The following ARHGAP39 variants were observed in gnomAD, a reference collection of about 807,000 sequenced individuals.
The protein encoded by ARHGAP39 is Rho GTPase activating protein 39.
In ARHGAP39, 44 loss-of-function variants were observed where a neutral mutation model predicts 106.9. That is an observed-to-expected ratio of 0.41 (90% CI 0.32 to 0.53). ARHGAP39 has a LOEUF of 0.53. ARHGAP39 is among the 20% of genes least tolerant of loss of function. ARHGAP39 has a pLI of 0.21. For synonymous variants in ARHGAP39, 768 were observed against 693.2 expected (o/e 1.11, Z -1.69); for missense variants, 1,496 against 1,577.3 (o/e 0.95, Z 0.87).
At chr8:144,562,771 G>T (rs995387739) in intron 3 of ARHGAP39, among the ~76,000 whole-genome samples, 7 of 149,202 alleles carry the variant, frequency 4.7e-5, no homozygotes, top group African/African-American at 1.8e-4. Flanking sequence ...GACTCCAGTG[G>T]TTTCCATCGG....
upstream of ARHGAP39, among the ~76,000 whole-genome samples, chr8:144,687,896 C>T (rs1822661491): frequency 2.0e-5 from 3 of 149,300 alleles, no homozygotes; most frequent in South Asian, 6.5e-4. Context: ...GTGAACACTT[C>T]CCACCCCGTG....
chr8:144,617,273 G>A (rs1336317793), intron 1 of ARHGAP39, among the ~76,000 whole-genome samples: 1 of 151,876 alleles, frequency 6.6e-6, no homozygotes, highest in Admixed American at 6.5e-5. Flanking sequence ...TCTGAATAAA[G>A]GTGATGGTAC....
intron 1 of ARHGAP39, among the ~76,000 whole-genome samples, chr8:144,609,668 T>C (rs868130864): frequency 1.3e-5 from 2 of 152,262 alleles, no homozygotes; most frequent in Middle Eastern, 3.4e-3. Context: ...CCCAAAGTTG[T>C]TGGGATTACA....
chr8:144,651,648 A>T (rs1381317189), intron 1 of ARHGAP39, among the ~76,000 whole-genome samples: 1 of 152,200 alleles, frequency 6.6e-6, no homozygotes, highest in Non-Finnish European at 1.5e-5. Context: ...AGGAGGTTGC[A>T]GTGATCTGAG....
intron 3 of ARHGAP39, among the ~76,000 whole-genome samples, chr8:144,559,762 G>C (rs1009879559): frequency 1.3e-5 from 2 of 152,140 alleles, no homozygotes; most frequent in African/African-American, 4.8e-5. Flanking sequence ...GAGGTATCTT[G>C]GGAGTAGGAC....
upstream of ARHGAP39, among the ~76,000 whole-genome samples, chr8:144,689,710 G>A (rs1822705104): frequency 6.6e-6 from 1 of 150,520 alleles, no homozygotes; most frequent in African/African-American, 2.4e-5. Flanking sequence ...AAAGTGCTGG[G>A]ATTACAGTTG....
chr8:144,681,483 G>A (rs1175700445), intron 1 of ARHGAP39, among the ~76,000 whole-genome samples: 1 of 152,196 alleles, frequency 6.6e-6, no homozygotes, highest in Non-Finnish European at 1.5e-5. Context: ...TTGAGTCAAC[G>A]AAGAGGCACA....
chr8:144,532,268 C>G, intron 10 of ARHGAP39, 37 bp downstream of exon 10: 2 of 1,602,652 alleles, frequency 1.2e-6, no homozygotes, highest in Non-Finnish European at 1.7e-6. Context: ...CTGCCTGAGC[C>G]AGGCCCGCTC....
intron 1 of ARHGAP39, among the ~76,000 whole-genome samples, chr8:144,623,263 C>A (rs1251997220): frequency 6.6e-6 from 1 of 151,940 alleles, no homozygotes; most frequent in Non-Finnish European, 1.5e-5. Flanking sequence ...CAAAAGAAGT[C>A]AAGAAACGAA....
At chr8:144,597,455 G>A (rs1345207913) in intron 2 of ARHGAP39, among the ~76,000 whole-genome samples, 1 of 152,242 alleles carries the variant, frequency 6.6e-6, no homozygotes, top group African/African-American at 2.4e-5. Flanking sequence ...GACACAGACA[G>A]CGAGCTGCCA....
intron 2 of ARHGAP39, 102 bp from the exon 3 acceptor site, chr8:144,581,379 A>G: frequency 1.6e-6 from 2 of 1,276,780 alleles, no homozygotes; most frequent in Non-Finnish European, 2.1e-6. Flanking sequence ...GAAACCCAGA[A>G]ATCCTGTCAT....
chr8:144,537,954 G>A (rs1041122537), intron 6 of ARHGAP39, 141 bp from the exon 7 acceptor site: 1 of 702,960 alleles, frequency 1.4e-6, no homozygotes, highest in Non-Finnish European at 2.4e-6. Context: ...GAGCGTTTCT[G>A]GGGGGACGTG....
Position 144,530,406 on chromosome 8 carries a change from T to TCCC in ARHGAP39, c.*13_*15dup. 1 of 1,580,672 alleles carries TCCC rather than the reference T, an allele frequency of 6.3e-7. No individual in the cohort carries two copies. Among genetic ancestry groups the TCCC allele is most frequent in the Non-Finnish European group, 8.6e-7 (1 of 1,160,764 alleles). ...TGGGGGCGGCAGGACATCCCTCCTG[T>TCCC]CCCCGGGCGCCCCCGCTACAGCACA... On this transcript the variant is annotated 3_prime_UTR_variant, in exon 12 of 12. Coordinates refer to ENST00000377307, the MANE Select transcript of ARHGAP39 (RefSeq NM_025251.3).
At chr8:144,612,758 C>T (rs1040992918) in intron 1 of ARHGAP39, among the ~76,000 whole-genome samples, 6 of 151,760 alleles carry the variant, frequency 4.0e-5, no homozygotes, top group African/African-American at 1.5e-4. Flanking sequence ...TGAGCCACGG[C>T]TGCGCCGCTG....
At chr8:144,662,909 C>A in intron 1 of ARHGAP39, among the ~76,000 whole-genome samples, 1 of 149,252 alleles carries the variant, frequency 6.7e-6, no homozygotes, top group Non-Finnish European at 1.5e-5. Flanking sequence ...GGCCTATCCC[C>A]CACCCCCATT....
chr8:144,689,238 T>A (rs563782022), upstream of ARHGAP39, among the ~76,000 whole-genome samples: 215 of 152,134 alleles, frequency 1.4e-3, 2 homozygotes, highest in South Asian at 0.013. Flanking sequence ...GACTTTTTTT[T>A]TTTTACAAAT....
chr8:144,657,983 T>C (rs1349300377), intron 1 of ARHGAP39, among the ~76,000 whole-genome samples: 1 of 152,216 alleles, frequency 6.6e-6, no homozygotes, highest in Non-Finnish European at 1.5e-5. Context: ...ATACAAATTT[T>C]TTAATATGGC....
In ARHGAP39 at chr8:144,529,298, C is replaced by T. The variant is rs1816548250; in HGVS notation, c.*1124G>A. On this transcript the variant is annotated 3_prime_UTR_variant, in exon 12 of 12. Coordinates refer to ENST00000377307, the MANE Select transcript of ARHGAP39 (RefSeq NM_025251.3). ...GGGACCACCCGACTGAGGACGCCGC[C>T]CAGGCCTCGGCAGGGCTGGGGCTTT... The T allele has an allele frequency of 5.2e-6, 1 of 193,538 alleles. No individual in the cohort carries two copies. Among genetic ancestry groups the T allele is most frequent in the African/African-American group, 2.3e-5 (1 of 42,808 alleles). 12.0% of individuals were successfully genotyped at this position (193,538 alleles called of 1,614,324 possible). A position where few individuals can be genotyped will look rare whatever the true frequency, so the allele number is the denominator to read the frequency against.
intron 1 of ARHGAP39, among the ~76,000 whole-genome samples, chr8:144,685,473 C>T (rs1344248986): frequency 6.7e-6 from 1 of 149,440 alleles, no homozygotes; most frequent in Admixed American, 6.6e-5. Flanking sequence ...TCCGCGCCCC[C>T]CGCCCGGCCG....
Sources: gnomAD v4.1 joint callset for allele counts (sites outside exome capture counted in the v4.1 genomes callset) on GRCh38, gnomAD v4.1.1 for gene constraint, MANE v1.5 for transcripts, NCBI Gene and HGNC (gene_info 2026-07-23, HGNC 2026-07-21) for gene names.